TGFA: variants seen among roughly 807,000 people sequenced by gnomAD.
TGFA encodes the protein protransforming growth factor alpha.
A neutral mutation model predicts 21.7 loss-of-function variants in TGFA; 12 were observed. The ratio of observed to expected loss-of-function variants is 0.55; its 90% confidence interval spans 0.35 to 0.90. The LOEUF (loss-of-function observed/expected upper bound fraction) is 0.90, where lower values mean the gene tolerates loss of function less well. Among genes scored for constraint, TGFA ranks in the 40% least tolerant of loss-of-function variants. TGFA has a pLI of 0.01. For synonymous variants in TGFA, 79 were observed against 88.1 expected (o/e 0.90, Z 0.58); for missense variants, 178 against 210.8 (o/e 0.84, Z 0.96).
At chr2:70,501,345 C>A (rs1274577604) in intron 2 of TGFA, among the ~76,000 whole-genome samples, 1 of 151,352 alleles carries the variant, frequency 6.6e-6, no homozygotes, top group Non-Finnish European at 1.5e-5. Context: ...ATTTTGTTCA[C>A]AAGTCTGGCA....
At chr2:70,511,896 C>CACACACACACACACACACAA (rs1672112549) in intron 2 of TGFA, among the ~76,000 whole-genome samples, 1 of 139,752 alleles carries the variant, frequency 7.2e-6, no homozygotes, top group East Asian at 1.9e-4. Flanking sequence ...TGAATACACA[C>CACACACACACACACACACAA]ACACACACAC....
At chr2:70,466,150 G>A (rs1302483757) in intron 2 of TGFA, among the ~76,000 whole-genome samples, 1 of 152,200 alleles carries the variant, frequency 6.6e-6, no homozygotes, top group African/African-American at 2.4e-5. Context: ...TTAAATTGAT[G>A]CAGAAGCAGA....
chr2:70,474,969 CGTGTGTGTGTGTGTGT>C (rs57147767), intron 2 of TGFA, among the ~76,000 whole-genome samples: 7 of 147,692 alleles, frequency 4.7e-5, no homozygotes, highest in Non-Finnish European at 7.5e-5. Flanking sequence ...ACACAGCAGC[CGTGTGTGTGTGTGTGT>C]GTGTGTGTGT....
chr2:70,453,119 T>C (rs549444262), intron 5 of TGFA, 99 bp downstream of exon 5: 1 of 1,075,010 alleles, frequency 9.3e-7, no homozygotes, highest in South Asian at 1.4e-5. Context: ...TTTTCTCCTC[T>C]CTTCCTGCTT....
intron 2 of TGFA, among the ~76,000 whole-genome samples, chr2:70,488,625 A>G (rs72910036): frequency 0.062 from 9,365 of 151,992 alleles, 357 homozygotes; most frequent in Middle Eastern, 0.13. Context: ...CCTTGCCCCT[A>G]CCCCTCATTT....
At chr2:70,518,436 C>T (rs782076410) in intron 1 of TGFA, among the ~76,000 whole-genome samples, 15 of 152,276 alleles carry the variant, frequency 9.9e-5, no homozygotes, top group East Asian at 3.9e-4. Flanking sequence ...CCATGCTTAT[C>T]GTTCAGCTGT....
intron 1 of TGFA, among the ~76,000 whole-genome samples, chr2:70,523,705 T>A (rs782663039): frequency 5.9e-5 from 9 of 152,194 alleles, no homozygotes; most frequent in Non-Finnish European, 1.2e-4. Flanking sequence ...TAGTATCTCC[T>A]GTCCCTCCTT....
At chr2:70,515,508 G>A (rs371928248) in intron 1 of TGFA, among the ~76,000 whole-genome samples, 1 of 152,136 alleles carries the variant, frequency 6.6e-6, no homozygotes, top group Non-Finnish European at 1.5e-5. Context: ...ACCCAGCTGG[G>A]GGTTGAGGGG....
intron 2 of TGFA, among the ~76,000 whole-genome samples, chr2:70,489,191 C>T (rs888401207): frequency 6.6e-6 from 1 of 152,202 alleles, no homozygotes; most frequent in African/African-American, 2.4e-5. Context: ...GGCTCTGTGC[C>T]ACAGGCAGAG....
At chr2:70,522,420 T>G (rs1326559880) in intron 1 of TGFA, among the ~76,000 whole-genome samples, 1 of 152,108 alleles carries the variant, frequency 6.6e-6, no homozygotes, top group Non-Finnish European at 1.5e-5. Context: ...AATTTTTATT[T>G]CCAACTTTTA....
chr2:70,553,777 G>T lies in TGFA; in HGVS notation c.-10C>A. ...CAGCCGAGGGGACCATTTTACGGGC[G>T]GGCGGGCAGCAGGCTCTCCAGCCTC... On this transcript the variant is annotated 5_prime_UTR_variant, in exon 1 of 6. Coordinates refer to ENST00000295400, the MANE Select transcript of TGFA (RefSeq NM_003236.4). 7.8e-7 allele frequency: 1 copy of T among 1,278,550 alleles called. No individual in the cohort carries two copies. The allele number at this position is 1,278,550 out of a possible 1,614,324, so 79.2% of individuals were successfully genotyped here. A position where few individuals can be genotyped will look rare whatever the true frequency, so the allele number is the denominator to read the frequency against.
intron 1 of TGFA, among the ~76,000 whole-genome samples, chr2:70,533,248 G>A (rs1553503957): frequency 1.3e-5 from 2 of 152,116 alleles, no homozygotes; most frequent in African/African-American, 4.8e-5. Flanking sequence ...TGTGTTCTGA[G>A]GTACAAGCTG....
chr2:70,516,152 C>G (rs532192513), intron 1 of TGFA, among the ~76,000 whole-genome samples: 2 of 152,328 alleles, frequency 1.3e-5, no homozygotes, highest in East Asian at 3.9e-4. Flanking sequence ...AGAATGACTT[C>G]CCAAAACTGA....
At position 70,451,745 on chromosome 2, in the gene TGFA, G is replaced by T. The variant is rs782006050; in HGVS notation, c.476-879C>A. 8.5e-6 allele frequency: 6 copies of T among 701,756 alleles called. No homozygotes were observed. In the South Asian group the frequency reaches 8.9e-5, roughly 10 times the overall value. The allele number at this position is 701,756 out of a possible 1,614,324, so 43.5% of individuals were successfully genotyped here. On this transcript the variant is annotated intron_variant, in intron 5 of 5. Transcript: ENST00000295400. ...AATATTTACCTTCATTAGCTCAATA[G>T]ATTAGCCCAAGGTAGCTGAAAGGAG...
chr2:70,490,479 A>G (rs1277865311), intron 2 of TGFA, among the ~76,000 whole-genome samples: 1 of 152,224 alleles, frequency 6.6e-6, no homozygotes, highest in Non-Finnish European at 1.5e-5. Flanking sequence ...TGCGCTTTGC[A>G]CTGCAGTTAC....
chr2:70,467,499 A>G (rs967895640), intron 2 of TGFA: 1 of 152,094 alleles, frequency 6.6e-6, no homozygotes, highest in Non-Finnish European at 1.5e-5. Flanking sequence ...CTTTGGGCTT[A>G]TTTTTTTCCA....
intron 1 of TGFA, among the ~76,000 whole-genome samples, chr2:70,517,930 C>T (rs1283243404): frequency 6.6e-6 from 1 of 152,264 alleles, no homozygotes; most frequent in Non-Finnish European, 1.5e-5. Flanking sequence ...CACCCAGGCT[C>T]ACCAGCTGCC....
chr2:70,464,692 G>A (rs1574073746), intron 3 of TGFA, among the ~76,000 whole-genome samples: 1 of 152,278 alleles, frequency 6.6e-6, no homozygotes, highest in Admixed American at 6.5e-5. Flanking sequence ...CAGACTGATT[G>A]TCTTTAAATA....
chr2:70,521,606 G>GTTTTTTTTTTTTTT (rs1559133439), intron 1 of TGFA, among the ~76,000 whole-genome samples: 2 of 98,268 alleles, frequency 2.0e-5, no homozygotes, highest in Non-Finnish European at 3.9e-5. Context: ...TTTTTTTGTT[G>GTTTTTTTTTTTTTT]TTGTTTGTTT....
Sources: gnomAD v4.1 joint callset for allele counts (sites outside exome capture counted in the v4.1 genomes callset) on GRCh38, gnomAD v4.1.1 for gene constraint, MANE v1.5 for transcripts, NCBI Gene and HGNC (gene_info 2026-07-23, HGNC 2026-07-21) for gene names.